Variants in CDH7 observed in about 807,000 individuals in gnomAD.
CDH7 encodes the protein cadherin 7.
In CDH7, 25 loss-of-function variants were observed where a neutral mutation model predicts 71.8. That is an observed-to-expected ratio of 0.35 (90% CI 0.25 to 0.49). The LOEUF is 0.49. Among genes scored for constraint, CDH7 ranks in the 20% least tolerant of loss-of-function variants. The pLI, the probability that CDH7 is intolerant of heterozygous loss-of-function variation, is 0.99. For synonymous variants in CDH7, 381 were observed against 363.8 expected (o/e 1.05, Z -0.54); for missense variants, 862 against 974.6 (o/e 0.88, Z 1.54).
chr18:65,826,118 A>T (rs1270169110), intron 6 of CDH7, among the ~76,000 whole-genome samples: 1 of 151,514 alleles, frequency 6.6e-6, no homozygotes, highest in Non-Finnish European at 1.5e-5. Context: ...TAATTTTATA[A>T]TATCATTTCT....
chr18:65,786,788 A>T (rs939820927), intron 2 of CDH7, among the ~76,000 whole-genome samples: 2 of 152,088 alleles, frequency 1.3e-5, no homozygotes, highest in Admixed American at 6.6e-5. Flanking sequence ...GTCTCAAACA[A>T]TCATCCCACC....
intron 6 of CDH7, among the ~76,000 whole-genome samples, chr18:65,831,427 A>G (rs1308010866): frequency 1.3e-5 from 2 of 152,188 alleles, no homozygotes; most frequent in Non-Finnish European, 2.9e-5. Context: ...GGTCAAAAGT[A>G]TCTCTATACT....
intron 11 of CDH7, among the ~76,000 whole-genome samples, chr18:65,879,266 C>A (rs886783186): frequency 6.6e-6 from 1 of 152,036 alleles, no homozygotes; most frequent in Non-Finnish European, 1.5e-5. Flanking sequence ...TTACAAGATA[C>A]TTTAAAAATA....
intron 2 of CDH7, among the ~76,000 whole-genome samples, chr18:65,802,307 A>G (rs1911151950): frequency 6.6e-6 from 1 of 152,190 alleles, no homozygotes; most frequent in African/African-American, 2.4e-5. Flanking sequence ...AATTTCTTAG[A>G]TGAAAAAATC....
chr18:65,781,819 CTTCTTTCTTTCTTTCTTTCT>C (rs1224080276), intron 2 of CDH7, among the ~76,000 whole-genome samples: 4 of 43,920 alleles, frequency 9.1e-5, no homozygotes, highest in African/African-American at 4.1e-4. Context: ...TCCTTCCTTC[CTTCTTTCTTTCTTTCTTTCT>C]TTCTTTCTTT....
At chr18:65,767,185 T>C (rs1916404654) in intron 2 of CDH7, among the ~76,000 whole-genome samples, 1 of 150,998 alleles carries the variant, frequency 6.6e-6, no homozygotes, top group African/African-American at 2.5e-5. Flanking sequence ...TACACAGAAA[T>C]GCAGTTTGCA....
intron 2 of CDH7, among the ~76,000 whole-genome samples, chr18:65,773,043 CCA>C (rs1004203887): frequency 3.3e-5 from 5 of 152,062 alleles, no homozygotes; most frequent in African/African-American, 1.2e-4. Context: ...TCGATAAAGT[CCA>C]GTTTTTCAGT....
At chr18:65,797,713 T>C (rs1303592326) in intron 2 of CDH7, among the ~76,000 whole-genome samples, 1 of 152,216 alleles carries the variant, frequency 6.6e-6, no homozygotes, top group Non-Finnish European at 1.5e-5. Context: ...CAGAGACTTT[T>C]TGAGGTAAGC....
intron 2 of CDH7, among the ~76,000 whole-genome samples, chr18:65,775,338 T>C (rs1487830764): frequency 6.6e-6 from 1 of 152,202 alleles, no homozygotes; most frequent in Non-Finnish European, 1.5e-5. Context: ...GTAAAATGGG[T>C]TTAACAATAG....
chr18:65,855,188 A>C (rs1023999119), intron 7 of CDH7, among the ~76,000 whole-genome samples: 1 of 152,194 alleles, frequency 6.6e-6, no homozygotes, highest in Admixed American at 6.6e-5. Context: ...AATTAGAAAA[A>C]CATTAGTAGA....
At chr18:65,818,241 T>TAGTTA (rs1284910704) in intron 4 of CDH7, among the ~76,000 whole-genome samples, 2 of 152,232 alleles carry the variant, frequency 1.3e-5, no homozygotes, top group Non-Finnish European at 2.9e-5. Context: ...TAACTTTGGA[T>TAGTTA]GCTATAAGGT....
chr18:65,794,592 GAA>G lies in CDH7; in HGVS notation c.211-15100_211-15099del, dbSNP rs59757795. On this transcript the variant is annotated intron_variant, in intron 2 of 11. Transcript: ENST00000397968. ...GGGAGCAAGGGACAAGGAGGGGTTA[GAA>G]AAAAAAAAAAACCTGAAAATTTAGT... Among the ~76,000 whole-genome samples the G allele has an allele frequency of 2.2e-3, 307 of 138,732 alleles. 2 individuals are homozygous for G. The highest frequency in any genetic ancestry group is 5.5e-3 in the African/African-American group (212 of 38,320). 91.0% of individuals were successfully genotyped at this position (138,732 alleles called of 152,430 possible).
At chr18:65,760,869 C>T (rs978036082) in intron 1 of CDH7, among the ~76,000 whole-genome samples, 1 of 152,172 alleles carries the variant, frequency 6.6e-6, no homozygotes, top group African/African-American at 2.4e-5. Context: ...CACGTCCCTG[C>T]CTTTTTAAAC....
chr18:65,842,034 A>G (rs1437524957), intron 6 of CDH7, among the ~76,000 whole-genome samples: 1 of 152,182 alleles, frequency 6.6e-6, no homozygotes, highest in Non-Finnish European at 1.5e-5. Flanking sequence ...GCAATTCTAG[A>G]AAGTGTTTCT....
chr18:65,787,022 T>G (rs939609649), intron 2 of CDH7, among the ~76,000 whole-genome samples: 1 of 149,786 alleles, frequency 6.7e-6, no homozygotes, highest in Non-Finnish European at 1.5e-5. Context: ...AATGAAAACT[T>G]TTTTTTTTCC....
At chr18:65,814,442 A>G (rs537317255) in intron 3 of CDH7, 43 bp from the exon 4 acceptor site, 2 of 1,610,974 alleles carry the variant, frequency 1.2e-6, no homozygotes, top group African/African-American at 1.3e-5. Context: ...GTTTTGTGGT[A>G]TTTGGAAGTT....
intron 3 of CDH7, among the ~76,000 whole-genome samples, chr18:65,811,835 G>A (rs900817522): frequency 1.3e-5 from 2 of 151,914 alleles, no homozygotes; most frequent in Admixed American, 6.6e-5. Context: ...TTTTGATTTT[G>A]ATGGTACTCT....
intron 7 of CDH7, among the ~76,000 whole-genome samples, chr18:65,850,547 T>G (rs1913111020): frequency 1.3e-5 from 2 of 151,608 alleles, no homozygotes; most frequent in African/African-American, 4.8e-5. Context: ...TTCTTGCAGC[T>G]GTCTGTTTAA....
In CDH7 at chr18:65,759,669, C is replaced by T. The variant is rs150256178; in HGVS notation, c.-196-2978C>T. Among the ~76,000 whole-genome samples the T allele has an allele frequency of 2.6e-3, 403 of 152,212 alleles. 4 individuals carry two copies. Among genetic ancestry groups the T allele is most frequent in the African/African-American group, 9.3e-3 (388 of 41,536 alleles). On this transcript the variant is annotated intron_variant, in intron 1 of 11. Transcript: ENST00000397968. ...AGTAAGACCTGAAAAAAGAAATAGA[C>T]TTTATAAGATAATTGAGTTCAGCTC...
Sources: gnomAD v4.1 joint callset for allele counts (sites outside exome capture counted in the v4.1 genomes callset) on GRCh38, gnomAD v4.1.1 for gene constraint, MANE v1.5 for transcripts, NCBI Gene and HGNC (gene_info 2026-07-23, HGNC 2026-07-21) for gene names.